ALOXE3: variants seen among roughly 807,000 people sequenced by gnomAD.
The protein encoded by ALOXE3 is hydroperoxide isomerase ALOXE3.
In ALOXE3, 78 loss-of-function variants were observed where a neutral mutation model predicts 87.5. The observed-to-expected ratio is 0.89, with a 90% CI of 0.74 to 1.08. The LOEUF is 1.08. Ranked by LOEUF, ALOXE3 falls within the 50% of genes least tolerant of loss-of-function variation. The pLI is 0.00. For synonymous variants in ALOXE3, 363 were observed against 370.8 expected (o/e 0.98, Z 0.24); for missense variants, 946 against 912.4 (o/e 1.04, Z -0.47).
At chr17:8,115,203 G>A in intron 4 of ALOXE3, 146 bp from the exon 5 acceptor site, 1 of 1,178,704 alleles carries the variant, frequency 8.5e-7, no homozygotes, top group South Asian at 1.3e-5. Flanking sequence ...CTCCATGAAA[G>A]CACTGGCTTC....
chr17:8,114,634 C>G, intron 5 of ALOXE3, 25 bp from the exon 6 acceptor site: 1 of 1,613,690 alleles, frequency 6.2e-7, no homozygotes, highest in South Asian at 1.1e-5. Flanking sequence ...AGTAGAAAGA[C>G]AGAAACCAGT....
At position 8,098,234 on chromosome 17, in the gene ALOXE3, GTTTTTT is replaced by G. The variant is rs71159546; in HGVS notation, c.1957-1434_1957-1429del. On this transcript the variant is annotated intron_variant, in intron 15 of 15. Coordinates refer to ENST00000448843, the MANE Select transcript of ALOXE3 (RefSeq NM_021628.3). ...TTTTTGAAATATACTTTTGGTTTTT[GTTTTTT>G]TTTTTTTTTTTTTTTTGAGACGGAG... is the stretch of plus-strand genomic sequence containing the variant. Among the ~76,000 whole-genome samples, 594 of 87,484 alleles carry G rather than the reference GTTTTTT, an allele frequency of 6.8e-3. 5 individuals carry two copies. The highest frequency in any genetic ancestry group is 0.018 in the African/African-American group (455 of 24,612). 57.4% of individuals were successfully genotyped at this position (87,484 alleles called of 152,430 possible). A position where few individuals can be genotyped will look rare whatever the true frequency, so the allele number is the denominator to read the frequency against.
intron 13 of ALOXE3, among the ~76,000 whole-genome samples, chr17:8,107,329 C>G (rs1178212200): frequency 6.6e-6 from 1 of 152,124 alleles, no homozygotes; most frequent in African/African-American, 2.4e-5. Flanking sequence ...CCAGCCTGTC[C>G]AACATGGCAA....
At chr17:8,105,230 G>T (rs1303152083) in intron 13 of ALOXE3, among the ~76,000 whole-genome samples, 1 of 152,116 alleles carries the variant, frequency 6.6e-6, no homozygotes, top group African/African-American at 2.4e-5. Context: ...CTCCAGCTGT[G>T]CAGGCCTTCC....
intron 8 of ALOXE3, 55 bp downstream of exon 8, chr17:8,111,304 A>G (rs1293874030): frequency 6.2e-7 from 1 of 1,602,214 alleles, no homozygotes. Context: ...CTTGTCCATA[A>G]TGGTGACACA....
At chr17:8,109,866 G>A (rs1432108008) in intron 11 of ALOXE3, 50 bp downstream of exon 11, 11 of 1,519,950 alleles carry the variant, frequency 7.2e-6, no homozygotes, top group East Asian at 2.5e-5. Context: ...GGGTAGCGGG[G>A]CAAAGCGTCT....
At position 8,116,795 on chromosome 17, in the gene ALOXE3, C is replaced by T; in HGVS notation, c.333G>A (p.Val111=). 7 of 1,614,226 alleles carry T rather than the reference C, an allele frequency of 4.3e-6. No individual in the cohort carries two copies. The highest frequency in any genetic ancestry group is 5.9e-6 in the Non-Finnish European group (7 of 1,180,036). Residue 111 remains valine, a synonymous_variant, in exon 3 of 16, where the codon GTG becomes GTA. Transcript: ENST00000448843. ...CYQWIEGYCT[V]ELRPGTARTI... ...GCCCACCTGTTCCTGGCCTCAGCTC[C>T]ACGGTGCAGTAGCCTTCAATCCACT...
At position 8,115,588 on chromosome 17, in the gene ALOXE3, C is replaced by A; in HGVS notation, c.434+19G>T. 2 of 1,603,894 alleles carry A rather than the reference C, an allele frequency of 1.2e-6. No homozygotes were observed. Among genetic ancestry groups the A allele is most frequent in the South Asian group, 2.2e-5 (2 of 90,852 alleles). On this transcript the variant is annotated intron_variant, in intron 4 of 15. Transcript: ENST00000448843. ...TCAGGATAAAGATGGGGAAAGAAGTCAAATTAGGCCACCCTCACCGGTAGC... is the reference window on the plus strand; with the variant it reads ...TCAGGATAAAGATGGGGAAAGAAGTAAAATTAGGCCACCCTCACCGGTAGC...
At chr17:8,118,665 C>T, upstream of ALOXE3, 1 of 1,537,330 alleles carries the variant, frequency 6.5e-7, no homozygotes, top group Non-Finnish European at 8.7e-7. Context: ...ACGCATGGCC[C>T]TCTTTGTCCC....
At position 8,110,380 on chromosome 17, in the gene ALOXE3, C is replaced by G; in HGVS notation, c.1101+5G>C. 1 of 1,605,268 alleles carries G rather than the reference C, an allele frequency of 6.2e-7. No individual in the cohort carries two copies. The highest frequency in any genetic ancestry group is 8.5e-7 in the Non-Finnish European group (1 of 1,174,578). ...CCCATCCCGGGGCGGCGGCGCCGGG[C>G]TCACCTGGATGGCCAAGGGCACCAG... On this transcript the variant is annotated splice_donor_5th_base_variant and intron_variant, in intron 9 of 15. Transcript: ENST00000448843.
Position 8,105,050 on chromosome 17 carries a change from A to G in ALOXE3, c.1685-835T>C, listed in dbSNP as rs187209723. On this transcript the variant is annotated intron_variant, in intron 13 of 15. Transcript: ENST00000448843. ...ACCTGACGTCCCCACCTAAGCATCTACACCACCTCACACTGCACACTGGCA... is the reference window on the plus strand; with the variant it reads ...ACCTGACGTCCCCACCTAAGCATCTGCACCACCTCACACTGCACACTGGCA... Among the ~76,000 whole-genome samples, 5 of 152,206 alleles carry G rather than the reference A, an allele frequency of 3.3e-5. No individual in the cohort carries two copies. The East Asian group carries it at 9.6e-4, about 29-fold the overall frequency.
At position 8,114,172 on chromosome 17, in the gene ALOXE3, G is replaced by A. The variant is rs944727539; in HGVS notation, c.680+312C>T. 5.3e-5 allele frequency among the ~76,000 whole-genome samples: 8 copies of A among 151,898 alleles called. 1 individual carries two copies. In the South Asian group the frequency reaches 6.2e-4, roughly 12 times the overall value. On this transcript the variant is annotated intron_variant, in intron 6 of 15. Coordinates refer to ENST00000448843, the MANE Select transcript of ALOXE3 (RefSeq NM_021628.3). ...TCACTCACTCACTGCACACACACTC[G>A]CTGGGGGCCCAATTAACACCCAGTG...
upstream of ALOXE3, chr17:8,118,586 G>A: frequency 6.5e-7 from 1 of 1,528,572 alleles, no homozygotes; most frequent in Non-Finnish European, 8.8e-7. Flanking sequence ...CAGGTGAGTC[G>A]CACACGCATT....
chr17:8,099,313 T>C (rs369462927), intron 15 of ALOXE3, among the ~76,000 whole-genome samples: 2 of 152,034 alleles, frequency 1.3e-5, no homozygotes, highest in East Asian at 1.9e-4. Context: ...TAAAGTCATA[T>C]GGGTGGTAGG....
chr17:8,110,208 T>C lies in ALOXE3; in HGVS notation c.1189A>G (p.Asn397Asp). 6.2e-7 allele frequency: 1 copy of C among 1,614,080 alleles called. No homozygotes were observed. Residue 397 changes from asparagine to aspartate, a missense_variant, in exon 10 of 16, where the codon AAC (asparagine) becomes GAC (aspartate). Coordinates refer to ENST00000448843, the MANE Select transcript of ALOXE3 (RefSeq NM_021628.3). ...DWLLAKTWVR[N>D]SEFLVHENNT... ...TTTTCGTGCACCAGGAACTCAGAGT[T>C]GCGCACCCACGTCTTGGCCAGCAGC... is the stretch of plus-strand genomic sequence containing the variant.
At chr17:8,115,574 A>T in intron 4 of ALOXE3, 33 bp downstream of exon 4, 1 of 1,570,450 alleles carries the variant, frequency 6.4e-7, no homozygotes, top group Non-Finnish European at 8.8e-7. Context: ...CAGGATAAAG[A>T]TGGGGAAAGA....
intron 15 of ALOXE3, among the ~76,000 whole-genome samples, chr17:8,098,568 A>T (rs1343223944): frequency 6.6e-6 from 1 of 152,058 alleles, no homozygotes; most frequent in Non-Finnish European, 1.5e-5. Flanking sequence ...AAAACTCCTT[A>T]AGGGGGTTTC....
At chr17:8,118,814 T>G (rs939953561), upstream of ALOXE3, 11 of 1,536,794 alleles carry the variant, frequency 7.2e-6, no homozygotes, top group African/African-American at 1.1e-4. Context: ...GCCTGCAGGA[T>G]CCTGGGCGGG....
intron 12 of ALOXE3, among the ~76,000 whole-genome samples, chr17:8,108,907 C>G (rs552289807): frequency 6.6e-6 from 1 of 152,158 alleles, no homozygotes; most frequent in Non-Finnish European, 1.5e-5. Flanking sequence ...GGCCCCAGCC[C>G]ATGCTTAAAT....
Sources: gnomAD v4.1 joint callset for allele counts (sites outside exome capture counted in the v4.1 genomes callset) on GRCh38, gnomAD v4.1.1 for gene constraint, MANE v1.5 for transcripts, NCBI Gene and HGNC (gene_info 2026-07-23, HGNC 2026-07-21) for gene names.